The following EML1 variants were observed in gnomAD, a reference collection of about 807,000 sequenced individuals.
The protein encoded by EML1 is echinoderm microtubule-associated protein-like 1.
In EML1, 27 loss-of-function variants were observed where a neutral mutation model predicts 110.4. That is an observed-to-expected ratio of 0.24 (90% CI 0.18 to 0.34). EML1 has a LOEUF of 0.34. EML1 is among the 10% of genes least tolerant of loss of function. The probability of loss-of-function intolerance (pLI) is 1.00; values close to 1 mark genes in which losing one functional copy is unlikely to be tolerated. For missense variants in EML1, 741 were observed against 1,030.9 expected (o/e 0.72, Z 3.85); for synonymous variants, 344 against 385.8 (o/e 0.89, Z 1.27).
At chr14:99,907,515 A>G (rs2059871240) in intron 9 of EML1, 123 bp from the exon 10 acceptor site, 1 of 793,124 alleles carries the variant, frequency 1.3e-6, no homozygotes, top group Non-Finnish European at 2.0e-6. Flanking sequence ...GCAATGGATG[A>G]GTATTCTTTA....
intron 8 of EML1, among the ~76,000 whole-genome samples, chr14:99,900,476 C>T (rs2059745860): frequency 6.6e-6 from 1 of 152,216 alleles, no homozygotes; most frequent in African/African-American, 2.4e-5. Flanking sequence ...CGTGAGCCAC[C>T]ACACCTGGTC....
intron 1 of EML1, among the ~76,000 whole-genome samples, chr14:99,774,318 T>C (rs919908154): frequency 6.6e-5 from 10 of 152,136 alleles, no homozygotes; most frequent in African/African-American, 2.4e-4. Flanking sequence ...CTAACCCGCA[T>C]CCACGCTCCT....
At chr14:99,789,101 A>C (rs1045136403), upstream of EML1, among the ~76,000 whole-genome samples, 1 of 152,186 alleles carries the variant, frequency 6.6e-6, no homozygotes, top group African/African-American at 2.4e-5. Context: ...GGCTATTGTG[A>C]ATAATGCTGC....
intron 1 of EML1, among the ~76,000 whole-genome samples, chr14:99,748,937 CTCTCG>C (rs2057144177): frequency 6.6e-6 from 1 of 152,318 alleles, no homozygotes; most frequent in Non-Finnish European, 1.5e-5. Context: ...TGCCTGGATT[CTCTCG>C]CTTAGGAAAC....
chr14:99,757,424 A>G (rs1200838937), intron 1 of EML1, among the ~76,000 whole-genome samples: 1 of 152,154 alleles, frequency 6.6e-6, no homozygotes, highest in African/African-American at 2.4e-5. Context: ...TGGCAACAAA[A>G]CTGGCCTTGC....
At position 99,894,625 on chromosome 14, in the gene EML1, G is replaced by A. The variant is rs1298098715; in HGVS notation, c.548-4G>A. ...TCTTACTGAAATCTTTGTTCTTTTTGTAGAAGAAGGCTATGTAAAAATGTT... is the reference window on the plus strand; with the variant it reads ...TCTTACTGAAATCTTTGTTCTTTTTATAGAAGAAGGCTATGTAAAAATGTT... On this transcript the variant is annotated splice_polypyrimidine_tract_variant and splice_region_variant and intron_variant, in intron 5 of 21. Coordinates refer to ENST00000262233, the MANE Select transcript of EML1 (RefSeq NM_004434.3). 5 of 1,608,742 alleles carry A rather than the reference G, an allele frequency of 3.1e-6. No homozygotes were observed. The Admixed American group carries it at 8.5e-5, about 27-fold the overall frequency.
At chr14:99,838,996 C>T (rs1006178825) in intron 1 of EML1, 2 of 151,658 alleles carry the variant, frequency 1.3e-5, no homozygotes, top group Non-Finnish European at 2.9e-5. Flanking sequence ...CTCCAGGGCT[C>T]CACAGGATGT....
chr14:99,910,130 G>T, intron 11 of EML1, 112 bp from the exon 12 acceptor site: 1 of 736,494 alleles, frequency 1.4e-6, no homozygotes, highest in South Asian at 2.2e-5. Context: ...ACACTATCCA[G>T]CTTGGGACCA....
intron 1 of EML1, among the ~76,000 whole-genome samples, chr14:99,845,415 TTC>T (rs1472589254): frequency 9.2e-5 from 14 of 152,178 alleles, no homozygotes; most frequent in Non-Finnish European, 1.2e-4. Context: ...ATATTTCTCA[TTC>T]AATAGAGAGA....
chr14:99,891,411 T>G (rs2059585733), intron 5 of EML1, among the ~76,000 whole-genome samples, 184 bp downstream of exon 5: 1 of 152,162 alleles, frequency 6.6e-6, no homozygotes, highest in South Asian at 2.1e-4. Context: ...CGAGACTGCC[T>G]TTAAACAGTC....
intron 1 of EML1, among the ~76,000 whole-genome samples, chr14:99,836,770 C>T (rs1294834713): frequency 2.0e-5 from 3 of 151,990 alleles, no homozygotes; most frequent in Non-Finnish European, 4.4e-5. Context: ...ATAAATATTT[C>T]GAGCTTTGTA....
upstream of EML1, among the ~76,000 whole-genome samples, chr14:99,771,376 G>T (rs1329778366): frequency 6.6e-6 from 1 of 152,172 alleles, no homozygotes; most frequent in Non-Finnish European, 1.5e-5. Flanking sequence ...CGTTTTCAAG[G>T]TTCATCCATG....
intron 1 of EML1, among the ~76,000 whole-genome samples, chr14:99,805,734 C>T (rs567756100): frequency 6.6e-6 from 1 of 152,216 alleles, no homozygotes; most frequent in Non-Finnish European, 1.5e-5. Context: ...CCTCAACTTC[C>T]CAAAGTGTTG....
intron 15 of EML1, among the ~76,000 whole-genome samples, chr14:99,917,176 T>C (rs183851016): frequency 6.6e-6 from 1 of 152,212 alleles, no homozygotes; most frequent in Non-Finnish European, 1.5e-5. Context: ...AGGGGCTGGG[T>C]TCTATAAGCT....
chr14:99,845,234 A>C (rs1288706518), intron 1 of EML1, among the ~76,000 whole-genome samples: 3 of 152,166 alleles, frequency 2.0e-5, no homozygotes, highest in Non-Finnish European at 4.4e-5. Context: ...ATCTCATTGT[A>C]GTTTTAATTT....
At chr14:99,812,832 G>C (rs1219521877) in intron 1 of EML1, among the ~76,000 whole-genome samples, 1 of 152,142 alleles carries the variant, frequency 6.6e-6, no homozygotes, top group African/African-American at 2.4e-5. Context: ...CTTTTCTTTA[G>C]CTGAACATTC....
At chr14:99,813,528 C>G (rs1180483145) in intron 1 of EML1, among the ~76,000 whole-genome samples, 1 of 151,968 alleles carries the variant, frequency 6.6e-6, no homozygotes, top group Non-Finnish European at 1.5e-5. Flanking sequence ...CAGCCTAGGT[C>G]GCATAGTGAG....
chr14:99,782,045 G>A (rs1281444356), intron 1 of EML1, among the ~76,000 whole-genome samples: 2 of 152,128 alleles, frequency 1.3e-5, no homozygotes, highest in East Asian at 1.9e-4. Flanking sequence ...CAGGAGGCCC[G>A]CAGCCCCACC....
At chr14:99,928,188 G>A (rs10148650) in intron 17 of EML1, among the ~76,000 whole-genome samples, 1 of 84,676 alleles carries the variant, frequency 1.2e-5, no homozygotes, top group African/African-American at 8.3e-5. Context: ...GGTGGTGGTG[G>A]TGGTGGTGGT....
Sources: gnomAD v4.1 joint callset for allele counts (sites outside exome capture counted in the v4.1 genomes callset) on GRCh38, gnomAD v4.1.1 for gene constraint, MANE v1.5 for transcripts, NCBI Gene and HGNC (gene_info 2026-07-23, HGNC 2026-07-21) for gene names.